GALNTL6: variants seen among roughly 807,000 people sequenced by gnomAD.
The protein encoded by GALNTL6 is polypeptide N-acetylgalactosaminyltransferase-like 6.
GALNTL6 carries 46 observed loss-of-function variants against 73.7 expected under a neutral mutation model. The ratio of observed to expected loss-of-function variants is 0.62; its 90% CI spans 0.49 to 0.80. GALNTL6 has a LOEUF of 0.80. Among genes scored for constraint, GALNTL6 ranks in the 30% least tolerant of loss-of-function variants. The probability of loss-of-function intolerance (pLI) is 0.00; values close to 1 mark genes in which losing one functional copy is unlikely to be tolerated. For synonymous variants in GALNTL6, 259 were observed against 263.7 expected (o/e 0.98, Z 0.17); for missense variants, 604 against 755.0 (o/e 0.80, Z 2.34).
At chr4:172,312,117 A>C (rs1740383679) in intron 4 of GALNTL6, among the ~76,000 whole-genome samples, 2 of 152,324 alleles carry the variant, frequency 1.3e-5, no homozygotes, top group Middle Eastern at 6.8e-3. Context: ...CATGTCTTCT[A>C]TGAACTTCAT....
At chr4:172,955,956 T>C (rs1749727836) in intron 10 of GALNTL6, among the ~76,000 whole-genome samples, 1 of 152,180 alleles carries the variant, frequency 6.6e-6, no homozygotes, top group Non-Finnish European at 1.5e-5. Flanking sequence ...CATTTTCACT[T>C]CTTTTGTGGT....
At chr4:172,131,792 C>T (rs1373144007) in intron 2 of GALNTL6, among the ~76,000 whole-genome samples, 4 of 151,722 alleles carry the variant, frequency 2.6e-5, no homozygotes, top group African/African-American at 4.8e-5. Context: ...CTCCAGGGCA[C>T]TGACTTACTA....
chr4:172,081,078 A>G (rs1731865847), intron 2 of GALNTL6, among the ~76,000 whole-genome samples: 4 of 152,202 alleles, frequency 2.6e-5, no homozygotes, highest in Admixed American at 1.3e-4. Flanking sequence ...ATGTTTAAAT[A>G]ACATATAGCA....
intron 5 of GALNTL6, among the ~76,000 whole-genome samples, chr4:172,685,547 G>A (rs1732867687): frequency 6.6e-6 from 1 of 152,170 alleles, no homozygotes; most frequent in Non-Finnish European, 1.5e-5. Context: ...ATTCTCAGCT[G>A]TACTTTGCAA....
intron 5 of GALNTL6, among the ~76,000 whole-genome samples, chr4:172,716,867 T>C (rs1021610065): frequency 2.6e-5 from 4 of 152,128 alleles, no homozygotes; most frequent in African/African-American, 7.3e-5. Context: ...TAGTCACCCA[T>C]AATTGTTCTA....
intron 3 of GALNTL6, among the ~76,000 whole-genome samples, chr4:172,250,950 G>A (rs757193413): frequency 5.9e-5 from 9 of 152,072 alleles, no homozygotes; most frequent in Non-Finnish European, 1.0e-4. Flanking sequence ...ATTGCCTTCT[G>A]ATTATTCTGA....
In GALNTL6 at chr4:172,113,060, C is replaced by T. The variant is rs202031074; in HGVS notation, c.139-116596C>T. 5.7e-4 allele frequency among the ~76,000 whole-genome samples: 86 copies of T among 151,618 alleles called. No homozygotes were observed. The East Asian group carries it at 0.011, about 20-fold the overall frequency. ...TTCTTTATTTTGATACACATTTCAC[C>T]GAGAATATATAGGTAGGTAAATTTC... On this transcript the variant is annotated intron_variant, in intron 2 of 12. Transcript: ENST00000506823.
intron 8 of GALNTL6, among the ~76,000 whole-genome samples, chr4:172,893,912 G>A (rs1479786214): frequency 6.6e-6 from 1 of 152,204 alleles, no homozygotes; most frequent in African/African-American, 2.4e-5. Context: ...CACAGTGGGA[G>A]TGTGGAGTCC....
At chr4:172,457,600 T>C (rs989491543) in intron 5 of GALNTL6, among the ~76,000 whole-genome samples, 1 of 151,898 alleles carries the variant, frequency 6.6e-6, no homozygotes, top group Non-Finnish European at 1.5e-5. Flanking sequence ...CCAACAAAGA[T>C]CAAAAGAGAC....
chr4:172,890,768 CCTGT>C (rs768157518), intron 8 of GALNTL6, among the ~76,000 whole-genome samples: 20 of 152,074 alleles, frequency 1.3e-4, no homozygotes, highest in African/African-American at 4.6e-4. Flanking sequence ...GCCTCAATGA[CCTGT>C]CTAACACTGC....
chr4:172,770,299 A>ATAAATAAATAAG (rs2110860867), intron 5 of GALNTL6, among the ~76,000 whole-genome samples: 1 of 151,166 alleles, frequency 6.6e-6, no homozygotes, highest in Admixed American at 6.6e-5. Context: ...AAATAAATAA[A>ATAAATAAATAAG]TAAGCTTTTA....
intron 11 of GALNTL6, among the ~76,000 whole-genome samples, chr4:173,020,180 T>G (rs1752937992): frequency 2.0e-5 from 3 of 152,350 alleles, no homozygotes; most frequent in Middle Eastern, 3.4e-3. Flanking sequence ...ACCTTTCAAA[T>G]ACCCTTATTT....
intron 5 of GALNTL6, among the ~76,000 whole-genome samples, chr4:172,375,690 G>C (rs1743002228): frequency 6.6e-6 from 1 of 152,164 alleles, no homozygotes; most frequent in African/African-American, 2.4e-5. Context: ...AGACCACAAA[G>C]AGAACCAAGG....
At chr4:171,848,327 G>A (rs1735428953) in intron 2 of GALNTL6, among the ~76,000 whole-genome samples, 1 of 152,110 alleles carries the variant, frequency 6.6e-6, no homozygotes, top group African/African-American at 2.4e-5. Flanking sequence ...TCCATTTATA[G>A]GGCACAGTCA....
rs558835085 is a variant in GALNTL6 at position 171,986,903 on chromosome 4, T to C, written c.138+172185T>C. ...GTTAAGAGTGGCAGTTTGGGAATAG[T>C]ACCAGGAGATATCAGCTGTGATGGC... On this transcript the variant is annotated intron_variant, in intron 2 of 12. Coordinates refer to ENST00000506823, the MANE Select transcript of GALNTL6 (RefSeq NM_001034845.3). Among the ~76,000 whole-genome samples, 839 of 152,300 alleles carry C rather than the reference T, an allele frequency of 5.5e-3. 4 individuals are homozygous for C. The highest frequency in any genetic ancestry group is 0.01 in the Middle Eastern group (3 of 294).
chr4:171,927,077 A>G (rs949657669), intron 2 of GALNTL6, among the ~76,000 whole-genome samples: 2 of 151,774 alleles, frequency 1.3e-5, no homozygotes, highest in Non-Finnish European at 2.9e-5. Context: ...TTCTTTGTAC[A>G]TAAGGAACAG....
chr4:172,371,429 G>T (rs966090407), intron 5 of GALNTL6, among the ~76,000 whole-genome samples: 2 of 152,212 alleles, frequency 1.3e-5, no homozygotes, highest in African/African-American at 4.8e-5. Flanking sequence ...AGTGTTACAG[G>T]GTCATGGAGA....
At chr4:171,995,627 A>G (rs1020135398) in intron 2 of GALNTL6, among the ~76,000 whole-genome samples, 1 of 152,082 alleles carries the variant, frequency 6.6e-6, no homozygotes, top group Non-Finnish European at 1.5e-5. Context: ...AAGAACAAAT[A>G]AACACAAGAA....
chr4:172,526,984 A>T (rs561428231), intron 5 of GALNTL6, among the ~76,000 whole-genome samples: 1 of 152,286 alleles, frequency 6.6e-6, no homozygotes, highest in African/African-American at 2.4e-5. Context: ...CCCCTGGATG[A>T]TACAGTCACT....
Sources: allele counts gnomAD v4.1 joint callset (sites outside exome capture counted in the v4.1 genomes callset), GRCh38; gene constraint gnomAD v4.1.1; transcripts MANE v1.5; gene names NCBI Gene and HGNC (gene_info 2026-07-23, HGNC 2026-07-21).